Variants in FOXP1 observed in about 807,000 individuals in gnomAD.
FOXP1 encodes the protein forkhead box protein P1.
In FOXP1, 15 loss-of-function variants were observed where a neutral mutation model predicts 98.2. That is an observed-to-expected ratio of 0.15 (90% CI 0.10 to 0.24). The LOEUF (loss-of-function observed/expected upper bound fraction) is 0.24. FOXP1 is among the 10% of genes least tolerant of loss of function. The probability of loss-of-function intolerance (pLI) is 1.00; values close to 1 mark genes in which losing one functional copy is unlikely to be tolerated. For missense variants in FOXP1, 633 were observed against 848.5 expected, an observed-to-expected ratio of 0.75 and a Z score of 3.15; for synonymous variants, 371 against 314.5, an observed-to-expected ratio of 1.18 and a Z score of -1.90.
chr3:71,417,412 C>A (rs530327874), intron 3 of FOXP1, among the ~76,000 whole-genome samples: 1 of 152,294 alleles, frequency 6.6e-6, no homozygotes, highest in African/African-American at 2.4e-5. Context: ...AACCATAAAC[C>A]ATTCCAAGTT....
intron 12 of FOXP1, among the ~76,000 whole-genome samples, chr3:71,004,180 TG>T (rs1357545572): frequency 2.0e-5 from 3 of 152,060 alleles, no homozygotes; most frequent in African/African-American, 7.2e-5. Flanking sequence ...TTGTTAAAAA[TG>T]CCACTGTATT....
At chr3:71,339,423 G>A (rs944748364) in intron 4 of FOXP1, among the ~76,000 whole-genome samples, 1 of 152,186 alleles carries the variant, frequency 6.6e-6, no homozygotes, top group East Asian at 1.9e-4. Flanking sequence ...ATTAGCATTG[G>A]TGGCAACGAA....
intron 5 of FOXP1, among the ~76,000 whole-genome samples, chr3:71,212,499 C>T (rs1374820884): frequency 1.3e-5 from 2 of 152,174 alleles, no homozygotes; most frequent in East Asian, 1.9e-4. Context: ...GGGTATTACG[C>T]TTGTAGAAGA....
At chr3:71,017,081 C>T (rs939238582) in intron 11 of FOXP1, among the ~76,000 whole-genome samples, 2 of 151,734 alleles carry the variant, frequency 1.3e-5, no homozygotes, top group African/African-American at 4.8e-5. Context: ...GCCCCTCATA[C>T]AAGAAAGGAA....
At chr3:71,245,371 T>G (rs757962002) in intron 5 of FOXP1, 1 of 152,088 alleles carries the variant, frequency 6.6e-6, no homozygotes, top group African/African-American at 2.4e-5. Context: ...GTTTCCTAGT[T>G]CAAACAGGCC....
intron 2 of FOXP1, among the ~76,000 whole-genome samples, chr3:71,529,565 C>T (rs530647108): frequency 1.8e-4 from 27 of 152,316 alleles, no homozygotes; most frequent in Admixed American, 2.0e-4. Flanking sequence ...CAGCTCCAGC[C>T]TCTGACCTCC....
At chr3:70,968,556 C>T (rs1345496803) in intron 19 of FOXP1, 2 of 152,150 alleles carry the variant, frequency 1.3e-5, no homozygotes, top group African/African-American at 4.8e-5. Flanking sequence ...ACATTAACCA[C>T]TCTGAGATCC....
chr3:71,108,527 A>G (rs1247377325), intron 7 of FOXP1, among the ~76,000 whole-genome samples: 1 of 152,186 alleles, frequency 6.6e-6, no homozygotes, highest in Non-Finnish European at 1.5e-5. Flanking sequence ...ACACTTTGGG[A>G]GGTCGAGGCA....
chr3:71,105,293 C>A (rs952002360), intron 7 of FOXP1, among the ~76,000 whole-genome samples: 2 of 151,682 alleles, frequency 1.3e-5, no homozygotes, highest in Non-Finnish European at 2.9e-5. Context: ...CCTTTTTTTT[C>A]ACTCTTGATC....
chr3:70,975,786 T>A (rs1025258861), intron 17 of FOXP1, among the ~76,000 whole-genome samples: 3 of 152,156 alleles, frequency 2.0e-5, no homozygotes, highest in Non-Finnish European at 4.4e-5. Flanking sequence ...GCAAGAATAT[T>A]AGACACCAAG....
chr3:70,998,226 G>A (rs1285183677), intron 13 of FOXP1, among the ~76,000 whole-genome samples: 1 of 152,090 alleles, frequency 6.6e-6, no homozygotes, highest in Admixed American at 6.5e-5. Context: ...TCAATTACTT[G>A]ACTCTCCTAC....
chr3:70,977,103 C>T, intron 16 of FOXP1, 61 bp from the exon 17 acceptor site: 1 of 1,102,792 alleles, frequency 9.1e-7, no homozygotes, highest in Non-Finnish European at 1.4e-6. Flanking sequence ...CGTCATTCCA[C>T]AGTTTCTCGA....
intron 4 of FOXP1, among the ~76,000 whole-genome samples, chr3:71,328,073 A>C (rs2076029410): frequency 2.6e-5 from 4 of 152,180 alleles, no homozygotes; most frequent in Admixed American, 2.6e-4. Flanking sequence ...TGAAATTAGT[A>C]GTGTTCAAGA....
At chr3:71,244,918 C>G (rs2067599290) in intron 5 of FOXP1, 1 of 149,706 alleles carries the variant, frequency 6.7e-6, no homozygotes, top group African/African-American at 2.5e-5. Context: ...AAAGATATGT[C>G]TCAAGGAATT....
chr3:71,160,281 G>C (rs1486749513), intron 6 of FOXP1, among the ~76,000 whole-genome samples: 1 of 152,066 alleles, frequency 6.6e-6, no homozygotes, highest in African/African-American at 2.4e-5. Flanking sequence ...GTGGTCAAAG[G>C]TAAAGGATGA....
chr3:70,998,400 A>G (rs753858424), intron 13 of FOXP1, among the ~76,000 whole-genome samples: 3 of 152,216 alleles, frequency 2.0e-5, no homozygotes, highest in Admixed American at 6.5e-5. Context: ...TTTAAAATAT[A>G]AAAACATTCC....
chr3:71,471,100 C>A (rs1312132791), intron 3 of FOXP1, among the ~76,000 whole-genome samples: 1 of 152,166 alleles, frequency 6.6e-6, no homozygotes, highest in African/African-American at 2.4e-5. Context: ...CTTGCTTGGA[C>A]AAAACATTGA....
intron 6 of FOXP1, among the ~76,000 whole-genome samples, chr3:71,161,237 T>C (rs1576122507): frequency 6.6e-6 from 1 of 152,200 alleles, no homozygotes; most frequent in East Asian, 1.9e-4. Context: ...TTGTTTTTTC[T>C]CAAAATTCTG....
At chr3:71,570,535 C>G (rs1578224890) in intron 2 of FOXP1, 1 of 152,230 alleles carries the variant, frequency 6.6e-6, no homozygotes, top group Admixed American at 6.5e-5. Context: ...AGCCGTTTGT[C>G]GAGCCAGCCT....
Sources: gnomAD v4.1 joint callset for allele counts (sites outside exome capture counted in the v4.1 genomes callset) on GRCh38, gnomAD v4.1.1 for gene constraint, MANE v1.5 for transcripts, NCBI Gene and HGNC (gene_info 2026-07-23, HGNC 2026-07-21) for gene names.